The following DNAH12 variants were observed in gnomAD, a reference collection of about 807,000 sequenced individuals.
DNAH12 encodes axonemal beta dynein heavy chain 12.
Under a neutral mutation model 371.5 loss-of-function variants are expected in DNAH12, and 285 were observed. The observed-to-expected ratio is 0.77, with a 90% CI of 0.70 to 0.85. DNAH12 has a LOEUF of 0.85. Among genes scored for constraint, DNAH12 ranks in the 40% least tolerant of loss-of-function variants. The pLI is 0.00. For missense variants in DNAH12, 3,611 were observed against 3,689.4 expected, an observed-to-expected ratio of 0.98 and a Z score of 0.55; for synonymous variants, 1,200 against 1,213.0, an observed-to-expected ratio of 0.99 and a Z score of 0.22.
intron 12 of DNAH12, 40 bp downstream of exon 12, chr3:57,489,469 T>C: frequency 1.4e-6 from 2 of 1,457,676 alleles, no homozygotes; most frequent in Non-Finnish European, 1.8e-6. Flanking sequence ...ATACTTCTTT[T>C]AGCCATATAA....
intron 45 of DNAH12, among the ~76,000 whole-genome samples, chr3:57,390,155 G>A (rs879180799): frequency 0.44 from 63,767 of 145,084 alleles, 14,973 homozygotes; most frequent in East Asian, 0.59. Flanking sequence ...TATTGACTTA[G>A]GGCTGGGCAC....
At chr3:57,391,350 T>C (rs2063618734) in intron 45 of DNAH12, among the ~76,000 whole-genome samples, 1 of 152,162 alleles carries the variant, frequency 6.6e-6, no homozygotes, top group African/African-American at 2.4e-5. Flanking sequence ...ATTATTTTTT[T>C]TCCTCCCTTC....
Position 57,437,034 on chromosome 3 carries a change from G to A in DNAH12, c.4572C>T (p.Ala1524=), listed in dbSNP as rs2065148395. 1.3e-6 allele frequency: 2 copies of A among 1,516,362 alleles called. No homozygotes were observed. Among genetic ancestry groups the A allele is most frequent in the African/African-American group, 1.4e-5 (1 of 70,496 alleles). 93.9% of individuals were successfully genotyped at this position (1,516,362 alleles called of 1,614,324 possible). ...CAGGCTGAAGATTATGTACATTGCA[G>A]GCTTCATGAGCACATTCCAAAAATT... ...YHEFLECAHE[A]CNVHNLQPVK... Residue 1524 remains alanine (A), a synonymous_variant, in exon 30 of 74, where the codon GCC becomes GCT. Transcript: ENST00000495027.
chr3:57,453,379 G>T lies in DNAH12; in HGVS notation c.3481C>A (p.Leu1161Ile), dbSNP rs1268603065. 6.5e-7 allele frequency: 1 copy of T among 1,547,412 alleles called. No individual in the cohort carries two copies. Among genetic ancestry groups the T allele is most frequent in the Non-Finnish European group, 8.7e-7 (1 of 1,145,732 alleles). The change falls in exon 24 of 74, where the codon CTT (leucine) becomes ATT (isoleucine). Residue 1161 changes from leucine (L) to isoleucine (I), a missense_variant. Leu to Ile is a conservative substitution (Grantham distance 5, BLOSUM62 2). Around this residue, in one of 3 missense-constraint regions of DNAH12, gnomAD observed 1,314 missense variants for 1,398.7 expected, o/e 0.94. Coordinates refer to ENST00000495027, the MANE Select transcript of DNAH12 (RefSeq NM_001366028.2). The stretch of plus-strand genomic sequence containing the variant: ...ACAATCTCATTCAGTTGGTTCTGAA[G>T]TTCCTTATAATACTTCTTTAATCCC... ...TEGLKKYYKE[L>I]QNQLNEIVEL...
At position 57,489,567 on chromosome 3, in the gene DNAH12, C is replaced by T. The variant is rs1186332537; in HGVS notation, c.1456G>A (p.Ala486Thr). 3.3e-6 allele frequency: 5 copies of T among 1,535,112 alleles called. No homozygotes were observed. The highest frequency in any genetic ancestry group is 5.0e-5 in the East Asian group (2 of 39,832). Residue 486 changes from alanine (A) to threonine (T), a missense_variant, in exon 12 of 74, where the codon GCC becomes ACC. This residue lies in a region of DNAH12 where 1,314 missense variants were observed against 1,398.7 expected (regional missense o/e 0.94). Coordinates refer to ENST00000495027, the MANE Select transcript of DNAH12 (RefSeq NM_001366028.2). ...TCATTTAATAATATGTTTGCAAAGG[C>T]TTTTGCTTTATTTGTCAGGCCTGTC... Reference protein sequence around the residue: ...LKTGLTNKAKAFANILLNDIA... With the variant: ...LKTGLTNKAKTFANILLNDIA...
At chr3:57,389,820 GTGTA>G (rs1255757964) in intron 45 of DNAH12, among the ~76,000 whole-genome samples, 14,212 of 72,546 alleles carry the variant, frequency 0.2, 1,415 homozygotes, top group Middle Eastern at 0.38. Flanking sequence ...GTGTGTGTGT[GTGTA>G]TATATATATA....
Position 57,396,290 on chromosome 3 carries a change from CAAAAA to C in DNAH12, c.6949-1963_6949-1959del, listed in dbSNP as rs1159748997. On this transcript the variant is annotated intron_variant, in intron 43 of 73. Coordinates refer to ENST00000495027, the MANE Select transcript of DNAH12 (RefSeq NM_001366028.2). The stretch of plus-strand genomic sequence containing the variant: ...CAAGACTGCATCTCAAAAAAAAAAA[CAAAAA>C]AAAAAAAAAAAAAAAGAGAACCATA... 1.5e-4 allele frequency among the ~76,000 whole-genome samples: 10 copies of C among 68,758 alleles called. No homozygotes were observed. The East Asian group carries it at 2.2e-3, about 15-fold the overall frequency. The allele number at this position is 68,758 out of a possible 152,430, so 45.1% of individuals were successfully genotyped here. A position where few individuals can be genotyped will look rare whatever the true frequency, so the allele number is the denominator to read the frequency against.
chr3:57,390,715 T>C (rs1047415117), intron 45 of DNAH12, among the ~76,000 whole-genome samples: 2 of 151,818 alleles, frequency 1.3e-5, no homozygotes, highest in African/African-American at 4.8e-5. Flanking sequence ...CAGTCTGTCT[T>C]AGGTGAGGCA....
At chr3:57,341,216 T>C (rs1423371755) in intron 60 of DNAH12, among the ~76,000 whole-genome samples, 11 of 152,166 alleles carry the variant, frequency 7.2e-5, no homozygotes, top group Non-Finnish European at 1.3e-4. Context: ...ATCACTCTTA[T>C]TCAACATATT....
chr3:57,523,524 T>A, intron 4 of DNAH12, 59 bp downstream of exon 4: 1 of 1,436,222 alleles, frequency 7.0e-7, no homozygotes. Context: ...TAGATGAAAC[T>A]ACTTTGCAAT....
intron 33 of DNAH12, 65 bp downstream of exon 33, chr3:57,429,626 C>T: frequency 5.6e-6 from 8 of 1,421,292 alleles, no homozygotes; most frequent in Non-Finnish European, 6.6e-6. Flanking sequence ...ATAAAAAATA[C>T]TTATTGGCTA....
chr3:57,296,671 G>C (rs1158838742), intron 71 of DNAH12, among the ~76,000 whole-genome samples, 176 bp downstream of exon 71: 1 of 152,044 alleles, frequency 6.6e-6, no homozygotes, highest in Non-Finnish European at 1.5e-5. Flanking sequence ...GAACAGCGTT[G>C]GATTATTTAA....
chr3:57,408,734 G>C (rs989959546), intron 39 of DNAH12, among the ~76,000 whole-genome samples, 199 bp from the exon 40 acceptor site: 5 of 111,824 alleles, frequency 4.5e-5, no homozygotes, highest in Non-Finnish European at 1.0e-4. Context: ...CTGCTACCCA[G>C]ATTTTGGATA....
intron 62 of DNAH12, among the ~76,000 whole-genome samples, chr3:57,327,102 A>C (rs368937165): frequency 4.0e-4 from 61 of 151,840 alleles, no homozygotes; most frequent in Non-Finnish European, 4.1e-4. Context: ...CTCCCACACA[A>C]TAATAATGGG....
At chr3:57,297,373 TG>T (rs2061253599) in intron 70 of DNAH12, 6 of 184,154 alleles carry the variant, frequency 3.3e-5, no homozygotes, top group Non-Finnish European at 6.8e-5. Context: ...TTTTTTTTTT[TG>T]AGATGAAATC....
At chr3:57,465,069 G>C (rs898413285) in intron 17 of DNAH12, among the ~76,000 whole-genome samples, 4 of 152,170 alleles carry the variant, frequency 2.6e-5, no homozygotes, top group Admixed American at 6.5e-5. Flanking sequence ...TCAGGTACAT[G>C]GTTTAGCTCA....
intron 12 of DNAH12, among the ~76,000 whole-genome samples, chr3:57,488,496 G>T (rs2067011448): frequency 6.6e-6 from 1 of 152,020 alleles, no homozygotes; most frequent in Non-Finnish European, 1.5e-5. Flanking sequence ...CTGCCTGGAA[G>T]GTACTATTTT....
intron 13 of DNAH12, among the ~76,000 whole-genome samples, chr3:57,473,948 G>C (rs192421976): frequency 6.6e-6 from 1 of 152,078 alleles, no homozygotes; most frequent in Non-Finnish European, 1.5e-5. Flanking sequence ...TTCAAAAAAC[G>C]TAGTAGCACA....
intron 38 of DNAH12, among the ~76,000 whole-genome samples, chr3:57,415,060 T>TGA (rs1478258148): frequency 1.3e-5 from 2 of 152,160 alleles, no homozygotes; most frequent in Admixed American, 6.5e-5. Flanking sequence ...AGGAGGGTCT[T>TGA]GAGAGAACAA....
Sources: gnomAD v4.1 joint callset for allele counts (sites outside exome capture counted in the v4.1 genomes callset) on GRCh38, gnomAD v4.1.1 for gene constraint, gnomAD v4.1.1 regional missense constraint, MANE v1.5 for transcripts, NCBI Gene and HGNC (gene_info 2026-07-23, HGNC 2026-07-21) for gene names.